Variants in FARS2 observed in about 807,000 individuals in gnomAD.
The protein encoded by FARS2 is phenylalanine--tRNA ligase, mitochondrial.
In FARS2, 40 loss-of-function variants were observed where a neutral mutation model predicts 46.4. That is an observed-to-expected ratio of 0.86 (90% CI 0.67 to 1.12). The LOEUF is 1.12. Among genes scored for constraint, FARS2 ranks in the 50% most tolerant of loss-of-function variants. FARS2 has a pLI of 0.00. For missense variants in FARS2, 513 were observed against 567.9 expected (o/e 0.90, Z 0.98); for synonymous variants, 234 against 214.9 (o/e 1.09, Z -0.78).
rs552459118 is a variant in FARS2, at chr6:5,301,726, A to T, written c.-22+40066A>T. ...AACTAATATCAAACAATTTTTTTTT[A>T]AACTAACATTCTAGTTTTATTGAAA... On this transcript the variant is annotated intron_variant, in intron 1 of 6. Transcript: ENST00000274680. Among the ~76,000 whole-genome samples, 12 of 151,910 alleles carry T rather than the reference A, an allele frequency of 7.9e-5. No individual in the cohort carries two copies. The South Asian group carries it at 1.7e-3, about 21-fold the overall frequency.
At chr6:5,504,993 A>G (rs772809173) in intron 4 of FARS2, among the ~76,000 whole-genome samples, 1 of 152,132 alleles carries the variant, frequency 6.6e-6, no homozygotes, top group African/African-American at 2.4e-5. Context: ...GAAAGATTTT[A>G]GTTTTGAAAA....
intron 1 of FARS2, among the ~76,000 whole-genome samples, chr6:5,319,707 T>C (rs1769830134): frequency 6.6e-6 from 1 of 152,114 alleles, no homozygotes; most frequent in Non-Finnish European, 1.5e-5. Flanking sequence ...TGGAATTCTT[T>C]CTTCTGAGGA....
intron 4 of FARS2, among the ~76,000 whole-genome samples, chr6:5,461,051 T>G (rs1765214197): frequency 6.6e-6 from 1 of 151,962 alleles, no homozygotes; most frequent in South Asian, 2.1e-4. Flanking sequence ...GTCTTTTTTT[T>G]TTTTTGAGTC....
chr6:5,374,799 G>A (rs1023854143), intron 2 of FARS2, among the ~76,000 whole-genome samples: 1 of 151,874 alleles, frequency 6.6e-6, no homozygotes, highest in Non-Finnish European at 1.5e-5. Context: ...ACTGATATAA[G>A]GAGAAAAAGC....
At chr6:5,650,952 G>A (rs1355059170) in intron 6 of FARS2, among the ~76,000 whole-genome samples, 1 of 152,158 alleles carries the variant, frequency 6.6e-6, no homozygotes, top group Non-Finnish European at 1.5e-5. Context: ...TCACCCTCTT[G>A]TGGTACCTCA....
Position 5,765,341 on chromosome 6 carries a change from AG to A in FARS2, c.1218-5949del, listed in dbSNP as rs1222713736. The stretch of plus-strand genomic sequence containing the variant: ...CAGGAAAAGCTTGAGTCATGTTTCC[AG>A]TTTCAAGAGCCAGGCTGAATCTCTC... On this transcript the variant is annotated intron_variant, in intron 6 of 6. Transcript: ENST00000274680. The surrounding 1 kb of genome is among the most constrained non-coding windows in gnomAD (Gnocchi z 4.0). 6.6e-6 allele frequency among the ~76,000 whole-genome samples: 1 copy of A among 152,238 alleles called. No individual in the cohort carries two copies. The highest frequency in any genetic ancestry group is 1.5e-5 in the Non-Finnish European group (1 of 68,038).
At chr6:5,261,450 G>C (rs1765116442), upstream of FARS2, 1 of 152,622 alleles carries the variant, frequency 6.6e-6, no homozygotes, top group South Asian at 2.0e-4. Context: ...TGGAGGTGAT[G>C]AGCTAGGGGT....
intron 1 of FARS2, among the ~76,000 whole-genome samples, chr6:5,278,762 T>G (rs940382545): frequency 6.6e-6 from 1 of 152,100 alleles, no homozygotes; most frequent in Admixed American, 6.5e-5. Context: ...GCCTTCCCCC[T>G]CTCCACCCCG....
At chr6:5,486,063 C>T (rs550871757) in intron 4 of FARS2, among the ~76,000 whole-genome samples, 9 of 152,244 alleles carry the variant, frequency 5.9e-5, no homozygotes, top group South Asian at 2.1e-4. Context: ...GCAACTATAA[C>T]GTGGAAATTA....
intron 4 of FARS2, among the ~76,000 whole-genome samples, chr6:5,443,534 GT>G (rs201861133): frequency 3.9e-5 from 6 of 152,288 alleles, no homozygotes; most frequent in Admixed American, 3.3e-4. Context: ...CTTGGCAGTT[GT>G]TTTTTTGCCC....
upstream of FARS2, among the ~76,000 whole-genome samples, chr6:5,259,882 A>T (rs532719679): frequency 6.6e-6 from 1 of 152,348 alleles, no homozygotes; most frequent in East Asian, 1.9e-4. Context: ...AACCAGCAAC[A>T]CTGTGAAAGC....
intron 6 of FARS2, among the ~76,000 whole-genome samples, chr6:5,716,373 T>C (rs564864308): frequency 4.3e-4 from 65 of 152,278 alleles, no homozygotes; most frequent in African/African-American, 1.6e-3. Flanking sequence ...TTGTTTTTTT[T>C]CCAGCTCAGG....
intron 4 of FARS2, among the ~76,000 whole-genome samples, chr6:5,485,470 A>G (rs1766717773): frequency 7.2e-6 from 1 of 138,120 alleles, no homozygotes; most frequent in African/African-American, 2.7e-5. Context: ...CGTTGTCTTC[A>G]TACTGTTAAG....
intron 1 of FARS2, among the ~76,000 whole-genome samples, chr6:5,319,715 G>A (rs897938436): frequency 2.0e-5 from 3 of 152,104 alleles, no homozygotes; most frequent in African/African-American, 4.8e-5. Context: ...TTTCTTCTGA[G>A]GAGGAAAGAA....
chr6:5,545,474 G>A (rs1032893476), intron 5 of FARS2, 134 bp downstream of exon 5: 2 of 683,168 alleles, frequency 2.9e-6, no homozygotes, highest in South Asian at 2.6e-5. Flanking sequence ...TAAGTTCTGG[G>A]ATACATGTGC....
At chr6:5,623,922 G>T (rs1775905423) in intron 6 of FARS2, among the ~76,000 whole-genome samples, 1 of 152,140 alleles carries the variant, frequency 6.6e-6, no homozygotes, top group Admixed American at 6.5e-5. Context: ...TGAACTTAAA[G>T]ATAGCCTAGC....
At chr6:5,710,181 A>C (rs1359447932) in intron 6 of FARS2, among the ~76,000 whole-genome samples, 1 of 152,130 alleles carries the variant, frequency 6.6e-6, no homozygotes, top group Non-Finnish European at 1.5e-5. Flanking sequence ...CCCATTTTGC[A>C]CCACCAGCAA....
chr6:5,454,690 T>G (rs1213384409), intron 4 of FARS2, among the ~76,000 whole-genome samples: 1 of 152,212 alleles, frequency 6.6e-6, no homozygotes, highest in African/African-American at 2.4e-5. Context: ...TCGGTCCCGA[T>G]AATCTCCGTA....
rs376869645 is a variant in FARS2, at chr6:5,289,001, T to C, written c.-22+27341T>C. On this transcript the variant is annotated intron_variant, in intron 1 of 6. Transcript: ENST00000274680. ...CTCAACATTAGAATCATTAAGAATA[T>C]TACTCCTACATTTACTACACTTTCT... Among the ~76,000 whole-genome samples, 9 of 152,340 alleles carry C rather than the reference T, an allele frequency of 5.9e-5. No homozygotes were observed. In the South Asian group the frequency reaches 1.5e-3, roughly 25 times the overall value.
Sources: allele counts gnomAD v4.1 joint callset (sites outside exome capture counted in the v4.1 genomes callset), GRCh38; gene constraint gnomAD v4.1.1; non-coding constraint Gnocchi (gnomAD v3.1); transcripts MANE v1.5; gene names NCBI Gene and HGNC (gene_info 2026-07-23, HGNC 2026-07-21).